The following SLCO1B1 variants were observed in gnomAD, a reference collection of about 807,000 sequenced individuals.
SLCO1B1 encodes OATP-2.
SLCO1B1 carries 81 observed loss-of-function variants against 70.1 expected under a neutral mutation model. The observed-to-expected ratio is 1.16, with a 90% CI of 0.97 to 1.39. SLCO1B1 has a LOEUF of 1.39. SLCO1B1 is among the 40% of genes most tolerant of loss of function. The pLI is 0.00. For synonymous variants in SLCO1B1, 283 were observed against 271.5 expected, an observed-to-expected ratio of 1.04 and a Z score of -0.42; for missense variants, 895 against 799.6, an observed-to-expected ratio of 1.12 and a Z score of -1.44.
At chr12:21,215,819 G>A (rs1469264257) in intron 11 of SLCO1B1, among the ~76,000 whole-genome samples, 1 of 152,006 alleles carries the variant, frequency 6.6e-6, no homozygotes, top group African/African-American at 2.4e-5. Flanking sequence ...GTAGAATTTG[G>A]CTATGAATGC....
intron 11 of SLCO1B1, among the ~76,000 whole-genome samples, chr12:21,215,293 T>C (rs1941344829): frequency 6.6e-6 from 1 of 152,206 alleles, no homozygotes; most frequent in Non-Finnish European, 1.5e-5. Flanking sequence ...TTGCACATTA[T>C]ATATGAAGTT....
chr12:21,141,104 A>G (rs556951412), intron 1 of SLCO1B1, among the ~76,000 whole-genome samples: 7 of 151,944 alleles, frequency 4.6e-5, no homozygotes, highest in Non-Finnish European at 1.5e-5. Context: ...TTGAATATCT[A>G]CTCTGTGCAA....
At chr12:21,179,096 T>A in intron 7 of SLCO1B1, 76 bp downstream of exon 7, 1 of 887,180 alleles carries the variant, frequency 1.1e-6, no homozygotes, top group Non-Finnish European at 1.9e-6. Context: ...TTCAAATAAC[T>A]GAATTCACTC....
chr12:21,133,291 G>C (rs138065674), intron 1 of SLCO1B1, among the ~76,000 whole-genome samples: 1 of 152,168 alleles, frequency 6.6e-6, no homozygotes, highest in Admixed American at 6.5e-5. Flanking sequence ...TGTTCTTTTC[G>C]CTTAGGATTG....
intron 2 of SLCO1B1, among the ~76,000 whole-genome samples, chr12:21,159,781 G>A (rs1940590301): frequency 1.3e-5 from 2 of 151,784 alleles, no homozygotes; most frequent in Non-Finnish European, 2.9e-5. Flanking sequence ...AAAGTTACAG[G>A]ACACAAAATC....
At chr12:21,213,712 T>C (rs1941318770) in intron 11 of SLCO1B1, among the ~76,000 whole-genome samples, 3 of 141,830 alleles carry the variant, frequency 2.1e-5, no homozygotes, top group African/African-American at 5.3e-5. Context: ...CAATCAGACG[T>C]AGATTTGGTC....
chr12:21,178,527 G>C (rs957588336), intron 5 of SLCO1B1, 49 bp from the exon 6 acceptor site: 20 of 1,353,992 alleles, frequency 1.5e-5, no homozygotes, highest in Non-Finnish European at 1.9e-5. Context: ...ATTTGTAATA[G>C]AAATGCTAAA....
At chr12:21,216,597 C>T (rs1280450269) in intron 11 of SLCO1B1, among the ~76,000 whole-genome samples, 2 of 152,092 alleles carry the variant, frequency 1.3e-5, no homozygotes, top group Admixed American at 6.5e-5. Context: ...TTGTTTATGC[C>T]TGCTAAATTA....
chr12:21,201,897 G>T (rs1296102154), intron 9 of SLCO1B1, among the ~76,000 whole-genome samples: 2 of 152,078 alleles, frequency 1.3e-5, no homozygotes, highest in Non-Finnish European at 2.9e-5. Flanking sequence ...CTACTATAAA[G>T]ATACATGCAC....
intron 14 of SLCO1B1, among the ~76,000 whole-genome samples, chr12:21,235,295 T>G (rs972480856): frequency 6.6e-6 from 1 of 151,860 alleles, no homozygotes; most frequent in African/African-American, 2.4e-5. Context: ...CATTATGTAA[T>G]GCACTTACTT....
At chr12:21,190,782 A>G (rs2121129088) in intron 7 of SLCO1B1, among the ~76,000 whole-genome samples, 1 of 152,118 alleles carries the variant, frequency 6.6e-6, no homozygotes, top group South Asian at 2.1e-4. Flanking sequence ...TTGGTTTTCC[A>G]TTCCTGAGTT....
intron 2 of SLCO1B1, among the ~76,000 whole-genome samples, chr12:21,160,127 CTA>C: frequency 9.5e-6 from 1 of 105,620 alleles, no homozygotes; most frequent in African/African-American, 3.3e-5. Context: ...AAAAAAAAAA[CTA>C]TTTTGAAATT....
intron 14 of SLCO1B1, among the ~76,000 whole-genome samples, chr12:21,232,217 T>C (rs1473320047): frequency 1.3e-5 from 2 of 152,330 alleles, no homozygotes; most frequent in African/African-American, 4.8e-5. Context: ...AGACAAACTC[T>C]TAGCTTCTGA....
intron 2 of SLCO1B1, among the ~76,000 whole-genome samples, chr12:21,144,012 C>T (rs534260704): frequency 1.8e-5 from 2 of 109,014 alleles, no homozygotes; most frequent in African/African-American, 5.0e-5. Flanking sequence ...AAATCAAATA[C>T]TTGAATTCTT....
At chr12:21,157,752 C>T (rs1446278767) in intron 2 of SLCO1B1, among the ~76,000 whole-genome samples, 1 of 152,010 alleles carries the variant, frequency 6.6e-6, no homozygotes, top group African/African-American at 2.4e-5. Flanking sequence ...CAGGCGCCCA[C>T]CACCACGCCC....
intron 11 of SLCO1B1, among the ~76,000 whole-genome samples, chr12:21,210,331 G>T (rs368414092): frequency 7.9e-6 from 1 of 126,406 alleles, no homozygotes; most frequent in Admixed American, 8.0e-5. Flanking sequence ...TTTCCCCATT[G>T]CTTGTTTTTC....
At chr12:21,182,137 G>A (rs1210133699) in intron 7 of SLCO1B1, among the ~76,000 whole-genome samples, 3 of 152,164 alleles carry the variant, frequency 2.0e-5, no homozygotes, top group Non-Finnish European at 4.4e-5. Flanking sequence ...TGAAGAGAGA[G>A]AAAGCTGGAA....
chr12:21,221,221 A>T (rs960901753), intron 12 of SLCO1B1, among the ~76,000 whole-genome samples: 1 of 152,206 alleles, frequency 6.6e-6, no homozygotes, highest in African/African-American at 2.4e-5. Context: ...GAAAGGAAAA[A>T]AGTTGAAAGC....
intron 1 of SLCO1B1, among the ~76,000 whole-genome samples, chr12:21,132,592 A>G (rs1041544833): frequency 1.3e-5 from 2 of 152,140 alleles, no homozygotes; most frequent in Non-Finnish European, 2.9e-5. Flanking sequence ...GCCAGTGATG[A>G]TGAGCATTTT....
Sources: gnomAD v4.1 joint callset for allele counts (sites outside exome capture counted in the v4.1 genomes callset) on GRCh38, gnomAD v4.1.1 for gene constraint, MANE v1.5 for transcripts, NCBI Gene and HGNC (gene_info 2026-07-23, HGNC 2026-07-21) for gene names.